The following PPP2R2B variants were observed in gnomAD, a reference collection of about 807,000 sequenced individuals.
PPP2R2B encodes protein phosphatase 2 regulatory subunit Bbeta.
PPP2R2B carries 5 observed loss-of-function variants against 46.0 expected under a neutral mutation model. The ratio of observed to expected loss-of-function variants is 0.11; its 90% CI spans 0.06 to 0.23. The LOEUF (loss-of-function observed/expected upper bound fraction) is 0.23, where lower values mean the gene tolerates loss of function less well. Among genes scored for constraint, PPP2R2B ranks in the 10% least tolerant of loss-of-function variants. PPP2R2B has a pLI of 1.00. For missense variants in PPP2R2B, 367 were observed against 575.0 expected, an observed-to-expected ratio of 0.64 and a Z score of 3.70; for synonymous variants, 215 against 206.7, an observed-to-expected ratio of 1.04 and a Z score of -0.34.
chr5:146,774,502 G>GA lies in PPP2R2B; in HGVS notation c.71-73361dup, dbSNP rs994091262. ...TACTAACATTATTACTGAGTTTACA[G>GA]AAAAAAAAAATGGATGTAAGAGAAT... is the stretch of plus-strand genomic sequence containing the variant. On this transcript the variant is annotated intron_variant, in intron 2 of 9. Coordinates refer to ENST00000394411, the MANE Select transcript of PPP2R2B (RefSeq NM_181675.4). Among the ~76,000 whole-genome samples the GA allele has an allele frequency of 1.8e-3, 269 of 148,762 alleles. 2 individuals are homozygous for GA. Among genetic ancestry groups the GA allele is most frequent in the African/African-American group, 4.3e-3 (175 of 40,706 alleles).
chr5:146,581,724 T>C lies in PPP2R2B; in HGVS notation c.*8223A>G, dbSNP rs1359117818. 6.6e-6 allele frequency: 1 copy of C among 152,224 alleles called. No homozygotes were observed. The highest frequency in any genetic ancestry group is 1.5e-5 in the Non-Finnish European group (1 of 68,052). 9.4% of individuals were successfully genotyped at this position (152,224 alleles called of 1,614,324 possible). On this transcript the variant is annotated 3_prime_UTR_variant, in exon 10 of 10. Coordinates refer to ENST00000394411, the MANE Select transcript of PPP2R2B (RefSeq NM_181675.4). ...GTTCTGTATTGTGGCTTGTATGTAA[T>C]ATGACTCACTTTACTTTCCTTTACG...
rs1355115242 is a variant in PPP2R2B, at chr5:146,588,354, A to T, written c.*1593T>A. On this transcript the variant is annotated 3_prime_UTR_variant, in exon 10 of 10. Transcript: ENST00000394411. ...ATGGATAGTAGCTTAGAATTGAGAT[A>T]AAATGATTCTTTCACTATTTTTTCC... is the stretch of plus-strand genomic sequence containing the variant. 6.6e-6 allele frequency: 1 copy of T among 152,254 alleles called. No homozygotes were observed. Among genetic ancestry groups the T allele is most frequent in the Non-Finnish European group, 1.5e-5 (1 of 68,040 alleles). 9.4% of individuals were successfully genotyped at this position (152,254 alleles called of 1,614,324 possible). A position where few individuals can be genotyped will look rare whatever the true frequency, so the allele number is the denominator to read the frequency against.
intron 1 of PPP2R2B, among the ~76,000 whole-genome samples, chr5:147,048,109 C>G (rs1756625170): frequency 6.6e-6 from 1 of 152,156 alleles, no homozygotes; most frequent in Non-Finnish European, 1.5e-5. Flanking sequence ...CACGCATAGC[C>G]AGGGTTAAAA....
At chr5:146,824,432 TA>T (rs1365482827) in intron 2 of PPP2R2B, among the ~76,000 whole-genome samples, 1 of 152,236 alleles carries the variant, frequency 6.6e-6, no homozygotes, top group Non-Finnish European at 1.5e-5. Flanking sequence ...ATTTGTGAGT[TA>T]GCTCTTTGGC....
intron 1 of PPP2R2B, among the ~76,000 whole-genome samples, chr5:146,912,623 G>T (rs1763231157): frequency 6.6e-6 from 1 of 151,566 alleles, no homozygotes; most frequent in Admixed American, 6.6e-5. Context: ...TCCTGCCTTG[G>T]CCTCCTGAGT....
intron 2 of PPP2R2B, among the ~76,000 whole-genome samples, chr5:146,762,110 T>C (rs1754202039): frequency 6.6e-6 from 1 of 152,224 alleles, no homozygotes; most frequent in South Asian, 2.1e-4. Flanking sequence ...AATGGAATGA[T>C]ATGATTTCAT....
chr5:146,634,337 GT>G (rs1046553664), intron 7 of PPP2R2B, among the ~76,000 whole-genome samples: 5 of 151,962 alleles, frequency 3.3e-5, no homozygotes, highest in Non-Finnish European at 7.4e-5. Flanking sequence ...TGAGGGTTTT[GT>G]TTATTTATTT....
At chr5:146,913,577 A>G (rs914911969) in intron 1 of PPP2R2B, among the ~76,000 whole-genome samples, 2 of 152,064 alleles carry the variant, frequency 1.3e-5, no homozygotes, top group Non-Finnish European at 2.9e-5. Flanking sequence ...CATCACATTA[A>G]AACAGCTCAC....
chr5:146,899,841 C>T (rs1486614936), intron 1 of PPP2R2B, among the ~76,000 whole-genome samples: 1 of 152,016 alleles, frequency 6.6e-6, no homozygotes, highest in Middle Eastern at 3.2e-3. Flanking sequence ...TTTGTATACC[C>T]ATATTGGTTA....
upstream of PPP2R2B, among the ~76,000 whole-genome samples, chr5:146,880,224 TGGTG>T (rs1762122312): frequency 7.4e-6 from 1 of 135,644 alleles, no homozygotes; most frequent in African/African-American, 2.7e-5. Context: ...TGTGTGTGTG[TGGTG>T]GGGGGAGTTC....
At chr5:146,657,159 C>T (rs74891498) in intron 5 of PPP2R2B, among the ~76,000 whole-genome samples, 15,994 of 152,120 alleles carry the variant, frequency 0.11, 983 homozygotes, top group East Asian at 0.16. Context: ...GAAGCCTCCA[C>T]TTTAAAAAAC....
At chr5:146,726,139 G>A (rs1751847753) in intron 2 of PPP2R2B, among the ~76,000 whole-genome samples, 1 of 152,102 alleles carries the variant, frequency 6.6e-6, no homozygotes, top group South Asian at 2.1e-4. Context: ...TCATGCCAGA[G>A]GAGGAGGAAC....
chr5:146,989,823 T>C (rs1021758345), intron 1 of PPP2R2B, among the ~76,000 whole-genome samples: 2 of 151,936 alleles, frequency 1.3e-5, no homozygotes, highest in African/African-American at 4.8e-5. Context: ...TGTTTGCAGA[T>C]GACATGACCA....
chr5:146,720,422 A>G (rs1448431829), intron 2 of PPP2R2B, among the ~76,000 whole-genome samples: 1 of 152,234 alleles, frequency 6.6e-6, no homozygotes, highest in Non-Finnish European at 1.5e-5. Flanking sequence ...GACTGAGGGT[A>G]GAGGATATGG....
chr5:146,691,689 G>A (rs934715344), intron 4 of PPP2R2B, among the ~76,000 whole-genome samples: 2 of 151,856 alleles, frequency 1.3e-5, no homozygotes, highest in Non-Finnish European at 2.9e-5. Flanking sequence ...GTCCTAAAAG[G>A]CCCTTCATGA....
chr5:146,789,144 G>A (rs1306823160), intron 2 of PPP2R2B, among the ~76,000 whole-genome samples: 4 of 152,178 alleles, frequency 2.6e-5, no homozygotes, highest in Non-Finnish European at 5.9e-5. Flanking sequence ...TTGCTCTGTA[G>A]GGTGGAATCC....
intron 1 of PPP2R2B, among the ~76,000 whole-genome samples, chr5:147,020,927 A>G (rs10056782): frequency 0.52 from 79,057 of 152,038 alleles, 21,304 homozygotes; most frequent in Middle Eastern, 0.62. Context: ...TTCCAGGTCT[A>G]TTATGATATT....
chr5:146,593,459 T>A (rs965415681), intron 8 of PPP2R2B, among the ~76,000 whole-genome samples: 2 of 152,258 alleles, frequency 1.3e-5, no homozygotes, highest in African/African-American at 4.8e-5. Flanking sequence ...CTTGCAGTGC[T>A]TTTGACCCAG....
At chr5:146,880,969 A>G (rs1321823674), upstream of PPP2R2B, among the ~76,000 whole-genome samples, 1 of 150,402 alleles carries the variant, frequency 6.6e-6, no homozygotes, top group Non-Finnish European at 1.5e-5. Flanking sequence ...AACCAAGGGG[A>G]AAAAAGCTGT....
Sources: gnomAD v4.1 joint callset for allele counts (sites outside exome capture counted in the v4.1 genomes callset) on GRCh38, gnomAD v4.1.1 for gene constraint, MANE v1.5 for transcripts, NCBI Gene and HGNC (gene_info 2026-07-23, HGNC 2026-07-21) for gene names.